The following OSBPL10 variants were observed in gnomAD, a reference collection of about 807,000 sequenced individuals.
OSBPL10 encodes the protein oxysterol binding protein like 10.
Under a neutral mutation model 81.7 loss-of-function variants are expected in OSBPL10, and 49 were observed. The ratio of observed to expected loss-of-function variants is 0.60; its 90% CI spans 0.48 to 0.76. The LOEUF is 0.76. OSBPL10 is among the 30% of genes least tolerant of loss of function. The pLI is 0.00. For synonymous variants in OSBPL10, 419 were observed against 383.6 expected (o/e 1.09, Z -1.08); for missense variants, 923 against 987.8 (o/e 0.93, Z 0.88).
In OSBPL10 at chr3:31,969,613, C is replaced by T. The variant is rs568132043; in HGVS notation, c.281+11286G>A. 2.0e-5 allele frequency: 3 copies of T among 152,284 alleles called. No individual in the cohort carries two copies. In the East Asian group the frequency reaches 5.8e-4, roughly 30 times the overall value. The allele number at this position is 152,284 out of a possible 1,614,324, so 9.4% of individuals were successfully genotyped here. A position where few individuals can be genotyped will look rare whatever the true frequency, so the allele number is the denominator to read the frequency against. On this transcript the variant is annotated intron_variant, in intron 1 of 11. Coordinates refer to ENST00000396556, the MANE Select transcript of OSBPL10 (RefSeq NM_017784.5). Reference sequence around the variant, plus strand: ...AGGTCAGGTGTTCACGTAATGAGGTCGGATTACTTGAGGCCAGATTACTTG... The same window carrying T: ...AGGTCAGGTGTTCACGTAATGAGGTTGGATTACTTGAGGCCAGATTACTTG...
chr3:31,689,168 T>C (rs1283642103), intron 7 of OSBPL10, among the ~76,000 whole-genome samples: 2 of 150,536 alleles, frequency 1.3e-5, no homozygotes, highest in African/African-American at 4.9e-5. Flanking sequence ...AAAACAAAAA[T>C]GAAAGCAAAG....
At chr3:31,870,514 G>T (rs964776768) in intron 3 of OSBPL10, among the ~76,000 whole-genome samples, 1 of 152,258 alleles carries the variant, frequency 6.6e-6, no homozygotes, top group Admixed American at 6.5e-5. Context: ...CATGGCGCAG[G>T]ACTGGCAGGC....
At chr3:31,724,946 G>A (rs1025097572) in intron 6 of OSBPL10, among the ~76,000 whole-genome samples, 5 of 152,144 alleles carry the variant, frequency 3.3e-5, no homozygotes, top group African/African-American at 1.2e-4. Flanking sequence ...CTCACAGATG[G>A]TCATCTCAAT....
chr3:31,800,441 C>T (rs1699350415), intron 4 of OSBPL10, among the ~76,000 whole-genome samples: 1 of 152,222 alleles, frequency 6.6e-6, no homozygotes, highest in South Asian at 2.1e-4. Flanking sequence ...CTGGCCCTGG[C>T]ATGATGGGCC....
intron 4 of OSBPL10, among the ~76,000 whole-genome samples, chr3:31,792,151 C>T (rs931993407): frequency 2.0e-5 from 3 of 151,724 alleles, no homozygotes; most frequent in African/African-American, 4.9e-5. Context: ...ATCACTCGAG[C>T]TCACGCAATT....
intron 7 of OSBPL10, among the ~76,000 whole-genome samples, chr3:31,686,082 C>T (rs1355238858): frequency 1.3e-5 from 2 of 151,656 alleles, no homozygotes; most frequent in African/African-American, 4.8e-5. Flanking sequence ...GACCCTTGTG[C>T]TTCCCACATG....
chr3:31,917,795 G>A (rs1696799681), intron 1 of OSBPL10, among the ~76,000 whole-genome samples: 1 of 151,062 alleles, frequency 6.6e-6, no homozygotes, highest in South Asian at 2.1e-4. Context: ...AAGAGCTGCT[G>A]AAGTATGAGG....
At chr3:31,789,957 CT>C (rs11299797) in intron 4 of OSBPL10, among the ~76,000 whole-genome samples, 48,323 of 149,820 alleles carry the variant, frequency 0.32, 7,973 homozygotes, top group African/African-American at 0.43. Context: ...CATTTTTATT[CT>C]TTTTTTTTTG....
intron 6 of OSBPL10, among the ~76,000 whole-genome samples, chr3:31,705,237 T>C (rs982653913): frequency 6.6e-6 from 1 of 152,188 alleles, no homozygotes; most frequent in Admixed American, 6.5e-5. Context: ...ATGTGATTTG[T>C]AAACAATTCT....
chr3:31,703,780 G>A (rs888043775), intron 6 of OSBPL10: 1 of 152,304 alleles, frequency 6.6e-6, no homozygotes, highest in Middle Eastern at 3.4e-3. Context: ...CTAAAGAGAT[G>A]GTTGGGAAGA....
chr3:31,990,617 A>G (rs1699015848), intron 2 of OSBPL10: 1 of 1,614,182 alleles, frequency 6.2e-7, no homozygotes, highest in South Asian at 1.1e-5. Context: ...TACAAGTGTA[A>G]TGAATGTGGC....
chr3:32,044,144 T>C lies in OSBPL10; in HGVS notation n.298+2347A>G, dbSNP rs116772239. 7.1e-3 allele frequency among the ~76,000 whole-genome samples: 1,088 copies of C among 152,286 alleles called. 11 individuals carry two copies. The highest frequency in any genetic ancestry group is 0.025 in the African/African-American group (1,043 of 41,566). On this transcript the variant is annotated intron_variant and non_coding_transcript_variant, in intron 2 of 3. Transcript: ENST00000479173. The stretch of plus-strand genomic sequence containing the variant: ...CAAAAGAAAATTCCACATATTTATA[T>C]TGAAACCAAGCCAAGCTGTGGTCTT...
At position 32,076,887 on chromosome 3, in the gene OSBPL10, T is replaced by A. The variant is rs1480948221; in HGVS notation, n.185+509A>T. 2.6e-5 allele frequency among the ~76,000 whole-genome samples: 4 copies of A among 152,092 alleles called. No homozygotes were observed. In the East Asian group the frequency reaches 7.7e-4, roughly 29 times the overall value. ...TGAGCCAGTTTATTGATCTGGGTGG[T>A]GCAAGCTGATCCATCAAGTGCAGGG... On this transcript the variant is annotated intron_variant and non_coding_transcript_variant, in intron 1 of 3. Transcript: ENST00000479173.
At chr3:31,916,444 A>G (rs1470872871) in intron 1 of OSBPL10, among the ~76,000 whole-genome samples, 2 of 152,196 alleles carry the variant, frequency 1.3e-5, no homozygotes, top group African/African-American at 4.8e-5. Flanking sequence ...AAGTGTAACA[A>G]CAGGTTGGTT....
intron 6 of OSBPL10, chr3:31,721,411 C>T (rs976164511): frequency 3.3e-5 from 5 of 152,220 alleles, no homozygotes; most frequent in Non-Finnish European, 4.4e-5. Context: ...GATGCACAAA[C>T]CTGGGATGTG....
chr3:31,701,258 A>C (rs1383750554), intron 7 of OSBPL10, among the ~76,000 whole-genome samples: 2 of 152,130 alleles, frequency 1.3e-5, no homozygotes, highest in Admixed American at 1.3e-4. Flanking sequence ...CACTGTGGCC[A>C]ACCAAGCCAA....
chr3:31,794,124 C>T (rs772806183), intron 4 of OSBPL10, among the ~76,000 whole-genome samples: 1 of 152,120 alleles, frequency 6.6e-6, no homozygotes, highest in Non-Finnish European at 1.5e-5. Flanking sequence ...CTGCAGCTCC[C>T]GACCCCACTT....
At chr3:31,803,956 C>T (rs1004873598) in intron 4 of OSBPL10, among the ~76,000 whole-genome samples, 2 of 152,210 alleles carry the variant, frequency 1.3e-5, no homozygotes, top group African/African-American at 4.8e-5. Context: ...GTTTTCTCCT[C>T]TGTAAAATAA....
intron 3 of OSBPL10, among the ~76,000 whole-genome samples, chr3:31,835,031 A>T (rs1174314748): frequency 6.6e-6 from 1 of 152,234 alleles, no homozygotes; most frequent in Non-Finnish European, 1.5e-5. Context: ...ATAAATTAAT[A>T]AAATGAGGTC....
Sources: allele counts gnomAD v4.1 joint callset (sites outside exome capture counted in the v4.1 genomes callset), GRCh38; gene constraint gnomAD v4.1.1; transcripts MANE v1.5; gene names NCBI Gene and HGNC (gene_info 2026-07-23, HGNC 2026-07-21).